The following IMPG1 variants were observed in gnomAD, a reference collection of about 807,000 sequenced individuals.
IMPG1 encodes interphotoreceptor matrix proteoglycan 1.
IMPG1 carries 85 observed loss-of-function variants against 92.0 expected under a neutral mutation model. The ratio of observed to expected loss-of-function variants is 0.92; its 90% CI spans 0.78 to 1.11. The LOEUF (loss-of-function observed/expected upper bound fraction) is 1.11. IMPG1 is among the 50% of genes least tolerant of loss of function. The pLI is 0.00. For missense variants in IMPG1, 1,022 were observed against 956.0 expected, an observed-to-expected ratio of 1.07 and a Z score of -0.91; for synonymous variants, 367 against 334.1, an observed-to-expected ratio of 1.10 and a Z score of -1.08.
At chr6:75,930,408 C>T (rs1781643205) in intron 15 of IMPG1, among the ~76,000 whole-genome samples, 2 of 152,196 alleles carry the variant, frequency 1.3e-5, no homozygotes, top group Admixed American at 1.3e-4. Context: ...CAAAAGATAA[C>T]TGTTAATGTG....
intron 7 of IMPG1, among the ~76,000 whole-genome samples, chr6:76,016,336 C>T (rs946324788): frequency 2.6e-5 from 4 of 152,246 alleles, no homozygotes; most frequent in South Asian, 2.1e-4. Context: ...GACAATAGAT[C>T]ATCAAAAAGT....
At chr6:75,953,859 G>T (rs774513998) in intron 12 of IMPG1, among the ~76,000 whole-genome samples, 1 of 152,000 alleles carries the variant, frequency 6.6e-6, no homozygotes, top group Non-Finnish European at 1.5e-5. Context: ...GAGAACATGC[G>T]GTGTTTGGTT....
At chr6:76,024,922 A>G in intron 5 of IMPG1, 2 of 510,678 alleles carry the variant, frequency 3.9e-6, no homozygotes, top group Non-Finnish European at 7.6e-6. Flanking sequence ...ATATAATAGA[A>G]GAAAGAAGGC....
rs1425954860 is a variant in IMPG1, at chr6:75,922,059, G to C, written c.*30C>G. On this transcript the variant is annotated 3_prime_UTR_variant, in exon 17 of 17. Coordinates refer to ENST00000369950, the MANE Select transcript of IMPG1 (RefSeq NM_001563.4). ...AAGGCAAATCATCTCTCTTGAGATA[G>C]CCTAAATGATAATTGTACATTTTCA... 6 of 963,996 alleles carry C rather than the reference G, an allele frequency of 6.2e-6. No homozygotes were observed. The highest frequency in any genetic ancestry group is 9.8e-6 in the Non-Finnish European group (6 of 610,162). 59.7% of individuals were successfully genotyped at this position (963,996 alleles called of 1,614,324 possible).
At position 75,921,652 on chromosome 6, in the gene IMPG1, C is replaced by T. The variant is rs1195407801; in HGVS notation, c.*437G>A. 2.8e-5 allele frequency: 5 copies of T among 181,434 alleles called. No homozygotes were observed. The highest frequency in any genetic ancestry group is 1.2e-4 in the African/African-American group (5 of 41,572). The allele number at this position is 181,434 out of a possible 1,614,324, so 11.2% of individuals were successfully genotyped here. ...ACATACATTCATGCGTTTAGAGAGACCTGCATCTCCCTGCGTAAGTAGTCA... is the reference window on the plus strand; with the variant it reads ...ACATACATTCATGCGTTTAGAGAGATCTGCATCTCCCTGCGTAAGTAGTCA... On this transcript the variant is annotated 3_prime_UTR_variant, in exon 17 of 17. Coordinates refer to ENST00000369950, the MANE Select transcript of IMPG1 (RefSeq NM_001563.4).
At chr6:75,937,020 A>G (rs1429068653) in intron 14 of IMPG1, among the ~76,000 whole-genome samples, 1 of 152,186 alleles carries the variant, frequency 6.6e-6, no homozygotes, top group Non-Finnish European at 1.5e-5. Flanking sequence ...CCTCTAGTGA[A>G]GGCAAATGTC....
chr6:75,939,212 AT>A (rs1226517226), intron 14 of IMPG1, among the ~76,000 whole-genome samples: 1 of 152,086 alleles, frequency 6.6e-6, no homozygotes, highest in Non-Finnish European at 1.5e-5. Flanking sequence ...TTTTTTTAAA[AT>A]TATACTTTAA....
intron 1 of IMPG1, among the ~76,000 whole-genome samples, chr6:76,068,054 G>T (rs537076957): frequency 6.6e-6 from 1 of 152,032 alleles, no homozygotes; most frequent in Non-Finnish European, 1.5e-5. Flanking sequence ...AATTAAAGCC[G>T]TGTATGACAA....
intron 2 of IMPG1, among the ~76,000 whole-genome samples, chr6:76,038,557 C>A (rs185314414): frequency 6.6e-6 from 1 of 152,114 alleles, no homozygotes; most frequent in African/African-American, 2.4e-5. Flanking sequence ...ATCAAAAAAA[C>A]CCTTGAAAAT....
At chr6:75,990,922 T>C (rs1309824183) in intron 12 of IMPG1, among the ~76,000 whole-genome samples, 1 of 152,204 alleles carries the variant, frequency 6.6e-6, no homozygotes, top group Non-Finnish European at 1.5e-5. Flanking sequence ...GATGTCACTT[T>C]CCCTCAAAGC....
intron 1 of IMPG1, among the ~76,000 whole-genome samples, chr6:76,048,159 T>C (rs1420487768): frequency 6.6e-6 from 1 of 152,222 alleles, no homozygotes; most frequent in East Asian, 1.9e-4. Flanking sequence ...CATGGTTAAA[T>C]TCAACCCACT....
intron 5 of IMPG1, among the ~76,000 whole-genome samples, chr6:76,023,767 T>C (rs377569104): frequency 1.3e-5 from 2 of 152,122 alleles, no homozygotes; most frequent in Non-Finnish European, 2.9e-5. Flanking sequence ...AAATGAAAAA[T>C]AATTTATAAG....
intron 2 of IMPG1, among the ~76,000 whole-genome samples, chr6:76,039,465 C>T (rs1369905747): frequency 1.3e-5 from 2 of 151,724 alleles, no homozygotes; most frequent in Non-Finnish European, 2.9e-5. Context: ...GAGCGATTCT[C>T]CTGCCTCAGC....
intron 12 of IMPG1, among the ~76,000 whole-genome samples, chr6:75,987,406 T>G (rs750494095): frequency 7.8e-4 from 119 of 151,886 alleles, no homozygotes; most frequent in Admixed American, 1.4e-3. Flanking sequence ...CTGCACCCCT[T>G]AACTCGTCAT....
intron 12 of IMPG1, among the ~76,000 whole-genome samples, chr6:75,973,297 C>G (rs577321475): frequency 7.7e-6 from 1 of 129,976 alleles, no homozygotes; most frequent in South Asian, 2.9e-4. Context: ...TACTTTCCCC[C>G]CCGCCCAAAA....
intron 12 of IMPG1, among the ~76,000 whole-genome samples, chr6:75,964,508 C>T (rs1261129115): frequency 6.6e-6 from 1 of 151,894 alleles, no homozygotes; most frequent in Non-Finnish European, 1.5e-5. Flanking sequence ...GAAACCCCAT[C>T]TCTTCTAAAA....
At chr6:76,023,663 T>C (rs1478003659) in intron 5 of IMPG1, among the ~76,000 whole-genome samples, 2 of 152,176 alleles carry the variant, frequency 1.3e-5, no homozygotes, top group African/African-American at 4.8e-5. Flanking sequence ...TTCTAAAACA[T>C]TTGTTGCTAG....
chr6:75,995,860 C>G (rs1010995709), intron 12 of IMPG1, among the ~76,000 whole-genome samples: 1 of 152,200 alleles, frequency 6.6e-6, no homozygotes, highest in Non-Finnish European at 1.5e-5. Flanking sequence ...AAATAAACTC[C>G]TTGTAATTGA....
chr6:76,049,666 GGGGTGGTGGTGA>G (rs1446555332), intron 1 of IMPG1, among the ~76,000 whole-genome samples: 1 of 152,202 alleles, frequency 6.6e-6, no homozygotes, highest in African/African-American at 2.4e-5. Flanking sequence ...TTTGTTGATA[GGGGTGGTGGTGA>G]GGGTGGTGGT....
Sources: allele counts gnomAD v4.1 joint callset (sites outside exome capture counted in the v4.1 genomes callset), GRCh38; gene constraint gnomAD v4.1.1; transcripts MANE v1.5; gene names NCBI Gene and HGNC (gene_info 2026-07-23, HGNC 2026-07-21).